COMMD10: variants seen among roughly 807,000 people sequenced by gnomAD.
The protein encoded by COMMD10 is COMM domain containing 10.
A neutral mutation model predicts 28.9 loss-of-function variants in COMMD10; 33 were observed. The ratio of observed to expected loss-of-function variants is 1.14; its 90% CI spans 0.87 to 1.53. The LOEUF (loss-of-function observed/expected upper bound fraction) is 1.53, where lower values mean the gene tolerates loss of function less well. COMMD10 is among the 40% of genes most tolerant of loss of function. The pLI, the probability that COMMD10 is intolerant of heterozygous loss-of-function variation, is 0.00. For missense variants in COMMD10, 310 were observed against 233.4 expected, an observed-to-expected ratio of 1.33 and a Z score of -2.14; for synonymous variants, 110 against 81.7, an observed-to-expected ratio of 1.35 and a Z score of -1.87.
At chr5:116,234,368 A>C (rs1163457177) in intron 5 of COMMD10, among the ~76,000 whole-genome samples, 2 of 152,314 alleles carry the variant, frequency 1.3e-5, no homozygotes, top group East Asian at 3.9e-4. Flanking sequence ...ACAAAAAAGT[A>C]ATGAATAGCA....
chr5:116,147,576 C>T (rs1420245098), intron 5 of COMMD10, among the ~76,000 whole-genome samples: 1 of 151,796 alleles, frequency 6.6e-6, no homozygotes, highest in Non-Finnish European at 1.5e-5. Context: ...GCTATTATGA[C>T]ATCAGTGAAA....
At chr5:116,268,785 A>T (rs1750675651) in intron 5 of COMMD10, among the ~76,000 whole-genome samples, 1 of 151,856 alleles carries the variant, frequency 6.6e-6, no homozygotes, top group African/African-American at 2.4e-5. Context: ...GGATGAGTTT[A>T]TGTCCTTTGT....
intron 5 of COMMD10, among the ~76,000 whole-genome samples, chr5:116,143,123 T>C (rs891506977): frequency 5.4e-5 from 8 of 148,920 alleles, no homozygotes; most frequent in African/African-American, 2.0e-4. Flanking sequence ...AAAGACAATA[T>C]TATGTAGTCA....
intron 4 of COMMD10, among the ~76,000 whole-genome samples, chr5:116,108,813 G>T (rs1750936067): frequency 6.6e-6 from 1 of 152,140 alleles, no homozygotes; most frequent in African/African-American, 2.4e-5. Flanking sequence ...GAAACCCAGG[G>T]CCTAGGTGGC....
chr5:116,161,153 C>A (rs1184087774), intron 5 of COMMD10, among the ~76,000 whole-genome samples: 1 of 152,032 alleles, frequency 6.6e-6, no homozygotes, highest in Non-Finnish European at 1.5e-5. Context: ...TCTGTGAAAT[C>A]TAAATGTCTG....
intron 4 of COMMD10, among the ~76,000 whole-genome samples, chr5:116,126,550 C>T (rs1271643724): frequency 6.6e-6 from 1 of 151,896 alleles, no homozygotes. Context: ...GTAACCAAAA[C>T]AGCATGGTAC....
chr5:116,292,977 C>T lies in COMMD10; in HGVS notation c.*488C>T, dbSNP rs1323091296. On this transcript the variant is annotated 3_prime_UTR_variant, in exon 7 of 7. Transcript: ENST00000274458. Reference sequence around the variant, plus strand: ...TGAATATGATGAGTATATTTTGCTTCGGAAATAATATAGGAAGGAAATGTA... The same window carrying T: ...TGAATATGATGAGTATATTTTGCTTTGGAAATAATATAGGAAGGAAATGTA... 15 of 396,934 alleles carry T rather than the reference C, an allele frequency of 3.8e-5. No individual in the cohort carries two copies. Among genetic ancestry groups the T allele is most frequent in the South Asian group, 1.3e-4 (1 of 7,840 alleles). The allele number at this position is 396,934 out of a possible 1,614,324, so 24.6% of individuals were successfully genotyped here. A position where few individuals can be genotyped will look rare whatever the true frequency, so the allele number is the denominator to read the frequency against.
At chr5:116,171,111 C>G (rs548434994) in intron 5 of COMMD10, among the ~76,000 whole-genome samples, 1 of 150,268 alleles carries the variant, frequency 6.7e-6, no homozygotes, top group East Asian at 1.9e-4. Context: ...TATCCAGAAT[C>G]TACAAATAAC....
intron 5 of COMMD10, among the ~76,000 whole-genome samples, chr5:116,161,031 A>G (rs1285410102): frequency 1.3e-5 from 2 of 152,172 alleles, no homozygotes; most frequent in African/African-American, 4.8e-5. Context: ...GGCTTTGAAA[A>G]AATATCTCAT....
chr5:116,258,450 T>C (rs930969012), intron 5 of COMMD10, among the ~76,000 whole-genome samples: 1 of 120,168 alleles, frequency 8.3e-6, no homozygotes, highest in Non-Finnish European at 1.7e-5. Flanking sequence ...TCTGGATTGA[T>C]TTTTTTTTGT....
chr5:116,196,491 T>C (rs1037837199), intron 5 of COMMD10, among the ~76,000 whole-genome samples: 19 of 144,272 alleles, frequency 1.3e-4, no homozygotes, highest in Non-Finnish European at 2.4e-4. Flanking sequence ...CAGTAACTTA[T>C]GGAAAAATAA....
At chr5:116,280,303 A>G (rs2112707333) in intron 5 of COMMD10, among the ~76,000 whole-genome samples, 1 of 151,978 alleles carries the variant, frequency 6.6e-6, no homozygotes, top group East Asian at 1.9e-4. Context: ...AAATTTATTC[A>G]TTCACTCTGC....
intron 5 of COMMD10, among the ~76,000 whole-genome samples, chr5:116,224,127 G>C (rs985922886): frequency 2.0e-5 from 3 of 151,998 alleles, no homozygotes; most frequent in African/African-American, 7.3e-5. Context: ...AAGGATTCTG[G>C]GGTTGGTAGT....
At chr5:116,292,423 C>CTTTT (rs11337562) in intron 6 of COMMD10, 28 bp from the exon 7 acceptor site, 3 of 1,269,520 alleles carry the variant, frequency 2.4e-6, no homozygotes, top group Admixed American at 2.6e-5. Context: ...TCACTAACGT[C>CTTTT]TTTTTTTTTT....
chr5:116,118,565 T>C (rs1751318351), intron 4 of COMMD10, among the ~76,000 whole-genome samples: 1 of 152,208 alleles, frequency 6.6e-6, no homozygotes, highest in Non-Finnish European at 1.5e-5. Context: ...TGAACTGCAT[T>C]TTGTATTTCC....
intron 5 of COMMD10, among the ~76,000 whole-genome samples, chr5:116,284,764 A>G (rs1365016964): frequency 2.6e-5 from 4 of 151,880 alleles, no homozygotes; most frequent in Non-Finnish European, 5.9e-5. Flanking sequence ...TTCCCTTAAC[A>G]AAGATACTAA....
At chr5:116,270,685 C>T (rs909253486) in intron 5 of COMMD10, among the ~76,000 whole-genome samples, 4 of 151,524 alleles carry the variant, frequency 2.6e-5, no homozygotes, top group African/African-American at 9.7e-5. Context: ...ACCTGTAATC[C>T]CAGCACTTTG....
chr5:116,166,021 C>G (rs751224973), intron 5 of COMMD10, among the ~76,000 whole-genome samples: 19 of 152,106 alleles, frequency 1.2e-4, no homozygotes, highest in Non-Finnish European at 2.6e-4. Flanking sequence ...GGCAGACTCA[C>G]TAAGAGTGTC....
At chr5:116,281,244 G>A (rs532707787) in intron 5 of COMMD10, among the ~76,000 whole-genome samples, 8 of 151,660 alleles carry the variant, frequency 5.3e-5, no homozygotes, top group African/African-American at 1.7e-4. Context: ...CCTAACTAAT[G>A]GGAAAACAGA....
Sources: allele counts gnomAD v4.1 joint callset (sites outside exome capture counted in the v4.1 genomes callset), GRCh38; gene constraint gnomAD v4.1.1; transcripts MANE v1.5; gene names NCBI Gene and HGNC (gene_info 2026-07-23, HGNC 2026-07-21).